Variants in SLC9A9 observed in about 807,000 individuals in gnomAD.
SLC9A9 encodes the protein sodium/hydrogen exchanger 9.
Under a neutral mutation model 77.8 loss-of-function variants are expected in SLC9A9, and 62 were observed. The observed-to-expected ratio is 0.80, with a 90% CI of 0.65 to 0.98. The LOEUF is 0.98. Ranked by LOEUF, SLC9A9 falls within the 50% of genes least tolerant of loss-of-function variation. The probability of loss-of-function intolerance (pLI) is 0.00; values close to 1 mark genes in which losing one functional copy is unlikely to be tolerated. For missense variants in SLC9A9, 775 were observed against 774.9 expected (o/e 1.00, Z 0.00); for synonymous variants, 320 against 283.5 (o/e 1.13, Z -1.29).
chr3:143,385,641 C>T (rs576751713), intron 12 of SLC9A9, among the ~76,000 whole-genome samples: 1 of 152,176 alleles, frequency 6.6e-6, no homozygotes, highest in Non-Finnish European at 1.5e-5. Context: ...CTTTTGTGCA[C>T]AAAAGATCAT....
intron 5 of SLC9A9, among the ~76,000 whole-genome samples, chr3:143,670,373 C>T (rs1209659914): frequency 1.3e-5 from 2 of 152,162 alleles, no homozygotes; most frequent in Non-Finnish European, 2.9e-5. Flanking sequence ...GTGCAATGGG[C>T]AGAACAATGT....
At position 143,652,247 on chromosome 3, in the gene SLC9A9, G is replaced by T. The variant is rs561794720; in HGVS notation, c.755+8C>A. 99 of 1,601,372 alleles carry T rather than the reference G, an allele frequency of 6.2e-5. No homozygotes were observed. Among genetic ancestry groups the T allele is most frequent in the Non-Finnish European group, 8.4e-5 (98 of 1,169,860 alleles). On this transcript the variant is annotated splice_region_variant and intron_variant, in intron 6 of 15. Coordinates refer to ENST00000316549, the MANE Select transcript of SLC9A9 (RefSeq NM_173653.4). Reference sequence around the variant, plus strand: ...TTAAAGAAACATAGGCCAAGTTCTGGTACTTACTATGTAAGGACTATGGCC... The same window carrying T: ...TTAAAGAAACATAGGCCAAGTTCTGTTACTTACTATGTAAGGACTATGGCC...
intron 14 of SLC9A9, among the ~76,000 whole-genome samples, chr3:143,320,349 C>G (rs1012847122): frequency 6.6e-6 from 1 of 152,290 alleles, no homozygotes; most frequent in Admixed American, 6.5e-5. Context: ...TCTCCATATC[C>G]AAAGCATTGT....
intron 5 of SLC9A9, among the ~76,000 whole-genome samples, chr3:143,692,344 T>C (rs1560034081): frequency 6.6e-6 from 1 of 152,002 alleles, no homozygotes; most frequent in Non-Finnish European, 1.5e-5. Context: ...AAACAATGAG[T>C]AGATTTTGGA....
chr3:143,644,457 G>A (rs1560009858), intron 6 of SLC9A9, among the ~76,000 whole-genome samples: 1 of 152,174 alleles, frequency 6.6e-6, no homozygotes, highest in Non-Finnish European at 1.5e-5. Flanking sequence ...TATAATCAAG[G>A]TCAAGTCCCA....
At chr3:143,609,778 G>C (rs1426023915) in intron 6 of SLC9A9, among the ~76,000 whole-genome samples, 1 of 151,998 alleles carries the variant, frequency 6.6e-6, no homozygotes, top group Non-Finnish European at 1.5e-5. Context: ...TTCCACATCG[G>C]CTCACATAGA....
intron 4 of SLC9A9, among the ~76,000 whole-genome samples, chr3:143,784,360 A>C (rs1298520522): frequency 1.3e-5 from 2 of 152,190 alleles, no homozygotes; most frequent in African/African-American, 4.8e-5. Flanking sequence ...AACGGGAGGC[A>C]TTCACTATAA....
At chr3:143,593,385 A>G (rs1384684495) in intron 6 of SLC9A9, among the ~76,000 whole-genome samples, 1 of 152,214 alleles carries the variant, frequency 6.6e-6, no homozygotes, top group Non-Finnish European at 1.5e-5. Context: ...GTACTGTTGT[A>G]CTATACTCCC....
At chr3:143,372,007 A>G in intron 13 of SLC9A9, 1 of 427,824 alleles carries the variant, frequency 2.3e-6, no homozygotes, top group Non-Finnish European at 4.7e-6. Context: ...AATATACTTA[A>G]CCAAGGAGGT....
At chr3:143,588,056 T>G (rs2037575979) in intron 6 of SLC9A9, among the ~76,000 whole-genome samples, 1 of 152,210 alleles carries the variant, frequency 6.6e-6, no homozygotes, top group Non-Finnish European at 1.5e-5. Flanking sequence ...AGCTTTATAT[T>G]ATATTTCAAA....
Position 143,265,948 on chromosome 3 carries a change from G to A in SLC9A9, c.*754C>T, listed in dbSNP as rs141724453. 7.6e-6 allele frequency: 5 copies of A among 658,872 alleles called. No homozygotes were observed. In the Admixed American group the frequency reaches 1.1e-4, roughly 14 times the overall value. The allele number at this position is 658,872 out of a possible 1,614,324, so 40.8% of individuals were successfully genotyped here. A position where few individuals can be genotyped will look rare whatever the true frequency, so the allele number is the denominator to read the frequency against. On this transcript the variant is annotated 3_prime_UTR_variant, in exon 16 of 16. Coordinates refer to ENST00000316549, the MANE Select transcript of SLC9A9 (RefSeq NM_173653.4). Reference sequence around the variant, plus strand: ...CTCACATGCAGGCAAGGACGGGAAGGCTTGTTCTTCAGGCACAACGTGGTA... The same window carrying A: ...CTCACATGCAGGCAAGGACGGGAAGACTTGTTCTTCAGGCACAACGTGGTA...
At chr3:143,280,669 G>T (rs1256444125) in intron 14 of SLC9A9, among the ~76,000 whole-genome samples, 1 of 150,482 alleles carries the variant, frequency 6.6e-6, no homozygotes, top group Non-Finnish European at 1.5e-5. Context: ...TCCTGCCTCA[G>T]CCTCCCCAGT....
chr3:143,677,823 CTTTTTTTTTTTT>C (rs553429664), intron 5 of SLC9A9, among the ~76,000 whole-genome samples: 1 of 110,270 alleles, frequency 9.1e-6, no homozygotes, highest in Non-Finnish European at 1.8e-5. Context: ...TCTTCAGAGT[CTTTTTTTTTTTT>C]TTTTTTTTTG....
chr3:143,268,756 A>AAAAAAAC (rs1937807974), intron 15 of SLC9A9, 119 bp downstream of exon 15: 1 of 562,410 alleles, frequency 1.8e-6, no homozygotes, highest in Non-Finnish European at 3.2e-6. Flanking sequence ...AAAAAAAAAA[A>AAAAAAAC]AGCTTCCTCC....
chr3:143,570,356 G>A, intron 8 of SLC9A9, among the ~76,000 whole-genome samples: 1 of 152,154 alleles, frequency 6.6e-6, no homozygotes, highest in South Asian at 2.1e-4. Flanking sequence ...TTGGGGTGGT[G>A]AAGACGTGAG....
chr3:143,557,896 T>C (rs990205524), intron 8 of SLC9A9, among the ~76,000 whole-genome samples: 1 of 152,184 alleles, frequency 6.6e-6, no homozygotes, highest in Non-Finnish European at 1.5e-5. Flanking sequence ...TTCAAGACCA[T>C]TGCAAAAATT....
At chr3:143,584,470 A>G (rs915932886) in intron 6 of SLC9A9, among the ~76,000 whole-genome samples, 3 of 152,228 alleles carry the variant, frequency 2.0e-5, no homozygotes, top group African/African-American at 7.2e-5. Context: ...GCTTATGAAA[A>G]GAACATATGA....
At chr3:143,568,124 C>T (rs2037199696) in intron 8 of SLC9A9, among the ~76,000 whole-genome samples, 1 of 152,114 alleles carries the variant, frequency 6.6e-6, no homozygotes, top group South Asian at 2.1e-4. Context: ...AAGGAGGCAT[C>T]ATGGCTGCTC....
chr3:143,363,588 C>T (rs751252862), intron 13 of SLC9A9, 25 bp from the exon 14 acceptor site: 6 of 1,594,608 alleles, frequency 3.8e-6, no homozygotes, highest in Non-Finnish European at 5.2e-6. Context: ...TAGAAAAAGG[C>T]ATTGGGTAAA....
Sources: allele counts gnomAD v4.1 joint callset (sites outside exome capture counted in the v4.1 genomes callset), GRCh38; gene constraint gnomAD v4.1.1; transcripts MANE v1.5; gene names NCBI Gene and HGNC (gene_info 2026-07-23, HGNC 2026-07-21).